SSH1: variants seen among roughly 807,000 people sequenced by gnomAD.
The protein encoded by SSH1 is slingshot protein phosphatase 1.
Under a neutral mutation model 79.7 loss-of-function variants are expected in SSH1, and 43 were observed. The ratio of observed to expected loss-of-function variants is 0.54; its 90% CI spans 0.42 to 0.70. SSH1 has a LOEUF of 0.70. Ranked by LOEUF, SSH1 falls within the 30% of genes least tolerant of loss-of-function variation. The pLI is 0.00. For synonymous variants in SSH1, 599 were observed against 538.3 expected, an observed-to-expected ratio of 1.11 and a Z score of -1.56; for missense variants, 1,206 against 1,358.8, an observed-to-expected ratio of 0.89 and a Z score of 1.77.
At chr12:108,830,560 T>C (rs1181391522) in intron 2 of SSH1, among the ~76,000 whole-genome samples, 2 of 152,154 alleles carry the variant, frequency 1.3e-5, no homozygotes, top group East Asian at 3.8e-4. Flanking sequence ...ACGTCGATGT[T>C]TTCTGCTGGT....
intron 2 of SSH1, among the ~76,000 whole-genome samples, chr12:108,827,777 A>T (rs1330601207): frequency 6.6e-6 from 1 of 152,212 alleles, no homozygotes; most frequent in Non-Finnish European, 1.5e-5. Flanking sequence ...TCTTTCTTTC[A>T]AATCAGCATC....
At position 108,793,206 on chromosome 12, in the gene SSH1, C is replaced by T. The variant is rs551845554; in HGVS notation, c.1350-377G>A. On this transcript the variant is annotated intron_variant, in intron 13 of 14. Transcript: ENST00000326495. ...AAATAAGAATAACAACGCTCTCCTA[C>T]CTATATTGTAGGGAAATGAAGGGAA... is the stretch of plus-strand genomic sequence containing the variant. 5.9e-5 allele frequency among the ~76,000 whole-genome samples: 9 copies of T among 152,270 alleles called. No homozygotes were observed. The East Asian group carries it at 1.4e-3, about 23-fold the overall frequency.
chr12:108,827,650 G>A (rs2038359154), intron 2 of SSH1: 1 of 994,554 alleles, frequency 1.0e-6, no homozygotes, highest in African/African-American at 1.7e-5. Flanking sequence ...CTGTAGGCCG[G>A]AGAAACAAGC....
chr12:108,812,017 G>A (rs568586746), intron 5 of SSH1, among the ~76,000 whole-genome samples: 2 of 152,250 alleles, frequency 1.3e-5, no homozygotes, highest in East Asian at 1.9e-4. Flanking sequence ...CCAACACCAC[G>A]GTCATGTTTT....
At chr12:108,856,042 T>TC (rs2039136394) in intron 1 of SSH1, among the ~76,000 whole-genome samples, 1 of 151,956 alleles carries the variant, frequency 6.6e-6, no homozygotes. Context: ...TCAGTCAACT[T>TC]CCCCCACTCC....
chr12:108,814,876 C>T (rs1330941379), intron 5 of SSH1, among the ~76,000 whole-genome samples: 1 of 151,864 alleles, frequency 6.6e-6, no homozygotes, highest in Non-Finnish European at 1.5e-5. Context: ...GCGGTGCGGA[C>T]GAGCGCACGG....
At chr12:108,853,494 C>T in intron 1 of SSH1, 1 of 303,794 alleles carries the variant, frequency 3.3e-6, no homozygotes, top group Non-Finnish European at 4.8e-6. Flanking sequence ...GCTGTGATGG[C>T]TGGGAGAGAT....
At chr12:108,856,739 C>T (rs1316055957) in intron 1 of SSH1, among the ~76,000 whole-genome samples, 1 of 152,184 alleles carries the variant, frequency 6.6e-6, no homozygotes, top group Non-Finnish European at 1.5e-5. Context: ...AGTCCCCGGA[C>T]GGCAGGTCAG....
chr12:108,792,221 G>GCC (rs758496149), intron 14 of SSH1, 65 bp downstream of exon 14: 1 of 1,613,082 alleles, frequency 6.2e-7, no homozygotes, highest in East Asian at 2.2e-5. Flanking sequence ...AGAGGCTGAG[G>GCC]TAGGCCAATT....
chr12:108,787,983 G>T lies in SSH1; in HGVS notation c.*5C>A. ...TCCGCCCAGCCTGACGCAGCAAAAG[G>T]CGGGTCAGCTTTTGCTCATCCACGA... is the stretch of plus-strand genomic sequence containing the variant. On this transcript the variant is annotated 3_prime_UTR_variant, in exon 15 of 15. Transcript: ENST00000326495. 1 of 1,614,148 alleles carries T rather than the reference G, an allele frequency of 6.2e-7. No homozygotes were observed.
At chr12:108,838,066 GAGCCACCATACCC>G (rs1193749188) in intron 2 of SSH1, among the ~76,000 whole-genome samples, 5 of 152,136 alleles carry the variant, frequency 3.3e-5, no homozygotes, top group Admixed American at 6.5e-5. Flanking sequence ...TCATAGGCAT[GAGCCACCATACCC>G]AGCCAAATTT....
intron 2 of SSH1, among the ~76,000 whole-genome samples, chr12:108,830,250 A>T (rs796638244): frequency 1.3e-5 from 2 of 152,190 alleles, no homozygotes; most frequent in Non-Finnish European, 2.9e-5. Context: ...TCAGGAGTTC[A>T]AGACCAGCCT....
At chr12:108,842,103 T>C (rs933264276) in intron 2 of SSH1, among the ~76,000 whole-genome samples, 3 of 151,862 alleles carry the variant, frequency 2.0e-5, no homozygotes, top group African/African-American at 7.3e-5. Flanking sequence ...TACTCCAGTC[T>C]GGGCAACAGA....
chr12:108,808,456 T>C (rs2037399109), intron 7 of SSH1, among the ~76,000 whole-genome samples: 1 of 152,218 alleles, frequency 6.6e-6, no homozygotes, highest in South Asian at 2.1e-4. Context: ...ACTCTTCCAA[T>C]CAGGTGGTTC....
At chr12:108,852,991 T>C in intron 1 of SSH1, 4 of 985,406 alleles carry the variant, frequency 4.1e-6, no homozygotes, top group Non-Finnish European at 4.8e-6. Flanking sequence ...AGCCCTCAAC[T>C]TTCCGAGGTT....
intron 2 of SSH1, chr12:108,827,339 A>C (rs1481368460): frequency 6.4e-7 from 1 of 1,550,580 alleles, no homozygotes; most frequent in Non-Finnish European, 8.7e-7. Flanking sequence ...GTAAAATAAA[A>C]GAGGTTCGTG....
Position 108,788,738 on chromosome 12 carries a change from C to T in SSH1, c.2400G>A (p.Pro800=), listed in dbSNP as rs757724576. ...RLLFSNESEK[P]TTNSYLMQHQ... is the part of the protein sequence containing the mutation. ...GCTGCATCAGGTAGCTGTTGGTTGT[C>T]GGCTTCTCAGATTCATTACTGAACA... The change falls in exon 15 of 15, where the codon CCG becomes CCA. Residue 800 remains proline, a synonymous_variant. Transcript: ENST00000326495. 2.8e-5 allele frequency: 46 copies of T among 1,614,086 alleles called. No individual in the cohort carries two copies. Among genetic ancestry groups the T allele is most frequent in the Admixed American group, 3.3e-5 (2 of 60,010 alleles).
At chr12:108,835,303 T>C (rs187335518) in intron 2 of SSH1, among the ~76,000 whole-genome samples, 196 of 152,306 alleles carry the variant, frequency 1.3e-3, no homozygotes, top group African/African-American at 4.5e-3. Flanking sequence ...TAGCCGAGCG[T>C]GGTGTCGTGC....
rs145160869 is a variant in SSH1, at chr12:108,783,915, G to C, written c.*4073C>G. 6.6e-5 allele frequency: 10 copies of C among 152,358 alleles called. No homozygotes were observed. In the East Asian group the frequency reaches 1.7e-3, roughly 26 times the overall value. The allele number at this position is 152,358 out of a possible 1,614,324, so 9.4% of individuals were successfully genotyped here. ...AGTGAGCCTGCTCTGTGCTAGCCAGGTGTCACCAAGTTTCTGATCTACCCA... is the reference window on the plus strand; with the variant it reads ...AGTGAGCCTGCTCTGTGCTAGCCAGCTGTCACCAAGTTTCTGATCTACCCA... On this transcript the variant is annotated 3_prime_UTR_variant, in exon 15 of 15. Coordinates refer to ENST00000326495, the MANE Select transcript of SSH1 (RefSeq NM_018984.4).
Sources: gnomAD v4.1 joint callset for allele counts (sites outside exome capture counted in the v4.1 genomes callset) on GRCh38, gnomAD v4.1.1 for gene constraint, MANE v1.5 for transcripts, NCBI Gene and HGNC (gene_info 2026-07-23, HGNC 2026-07-21) for gene names.